MCAM: variants seen among roughly 807,000 people sequenced by gnomAD.
The protein encoded by MCAM is melanoma cell adhesion molecule.
Under a neutral mutation model 79.1 loss-of-function variants are expected in MCAM, and 55 were observed. The ratio of observed to expected loss-of-function variants is 0.70; its 90% CI spans 0.56 to 0.87. The LOEUF is 0.87. Among genes scored for constraint, MCAM ranks in the 40% least tolerant of loss-of-function variants. MCAM has a pLI of 0.00. For synonymous variants in MCAM, 330 were observed against 339.8 expected (o/e 0.97, Z 0.32); for missense variants, 745 against 839.8 (o/e 0.89, Z 1.40).
chr11:119,311,529 C>G lies in MCAM; in HGVS notation c.1407+1G>C, dbSNP rs1565279962. The G allele has an allele frequency of 6.2e-7, 1 of 1,614,138 alleles. No homozygotes were observed. On this transcript the variant is annotated splice_donor_variant, in intron 11 of 15. Coordinates refer to ENST00000264036, the MANE Select transcript of MCAM (RefSeq NM_006500.3). LOFTEE classifies it high-confidence loss of function. This position sits in a 1 kb window ranked among gnomAD's most constrained non-coding sequence, Gnocchi z 4.4. ...GTGTGGCAGATGAGACACCCGCTCACCGTGCCGTTGACGTTCCAGGAGATG... is the reference window on the plus strand; with the variant it reads ...GTGTGGCAGATGAGACACCCGCTCAGCGTGCCGTTGACGTTCCAGGAGATG...
chr11:119,316,691 G>A lies in MCAM; in HGVS notation c.67+344C>T. 3.9e-6 allele frequency: 1 copy of A among 257,144 alleles called. No homozygotes were observed. Among genetic ancestry groups the A allele is most frequent in the Non-Finnish European group, 7.5e-6 (1 of 133,962 alleles). 15.9% of individuals were successfully genotyped at this position (257,144 alleles called of 1,614,324 possible). A position where few individuals can be genotyped will look rare whatever the true frequency, so the allele number is the denominator to read the frequency against. ...CAGGCTTTGAGGATGCGCCCCAGCT[G>A]CGCCTCCTGCCCGGCTTCAATTGCG... On this transcript the variant is annotated intron_variant, in intron 1 of 15. Transcript: ENST00000264036. The surrounding 1 kb of genome is among the most constrained non-coding windows in gnomAD (Gnocchi z 4.8).
chr11:119,313,434 G>A, intron 5 of MCAM: 1 of 858,840 alleles, frequency 1.2e-6, no homozygotes, highest in Admixed American at 3.9e-5. Flanking sequence ...TTTCACTCTT[G>A]TTGCCCAGGC....
In MCAM at chr11:119,316,932, C is replaced by G; in HGVS notation, c.67+103G>C. On this transcript the variant is annotated intron_variant, in intron 1 of 15. Coordinates refer to ENST00000264036, the MANE Select transcript of MCAM (RefSeq NM_006500.3). This position sits in a 1 kb window ranked among gnomAD's most constrained non-coding sequence, Gnocchi z 4.8. ...GGACCCAGGGAGGAGGCTCGTCCTC[C>G]CAGACGCAACGCCCCGACCCCGCCG... The G allele has an allele frequency of 9.8e-7, 1 of 1,022,718 alleles. No homozygotes were observed. The highest frequency in any genetic ancestry group is 1.4e-6 in the Non-Finnish European group (1 of 722,426). 63.4% of individuals were successfully genotyped at this position (1,022,718 alleles called of 1,614,324 possible). A position where few individuals can be genotyped will look rare whatever the true frequency, so the allele number is the denominator to read the frequency against.
At position 119,316,740 on chromosome 11, in the gene MCAM, G is replaced by T; in HGVS notation, c.67+295C>A. 3 of 421,584 alleles carry T rather than the reference G, an allele frequency of 7.1e-6. No homozygotes were observed. Among genetic ancestry groups the T allele is most frequent in the Non-Finnish European group, 8.6e-6 (2 of 233,152 alleles). The allele number at this position is 421,584 out of a possible 1,614,324, so 26.1% of individuals were successfully genotyped here. On this transcript the variant is annotated intron_variant, in intron 1 of 15. Coordinates refer to ENST00000264036, the MANE Select transcript of MCAM (RefSeq NM_006500.3). The surrounding 1 kb of genome is among the most constrained non-coding windows in gnomAD (Gnocchi z 4.8). ...CGGGCCCCCAGAGTGAGCACCTCAG[G>T]GACCACCCACCCCCCAGCACCCCGA...
rs1950289517 is a variant in MCAM at position 119,314,940 on chromosome 11, C to T, written c.293G>A (p.Gly98Glu). Residue 98 changes from glycine to glutamate, a missense_variant, in exon 3 of 16, where the codon GGG becomes GAG. By Grantham distance (98) the Gly-to-Glu change is moderately conservative (BLOSUM62 -2). Transcript: ENST00000264036. ...YEQRLSLQDR[G>E]ATLALTQVTP... ...GACTTGAGTCAGGGCCAGAGTAGCC[C>T]CTCTGTCCTGGAGGCTGAGCCGCTG... is the stretch of plus-strand genomic sequence containing the variant. 1 of 1,612,922 alleles carries T rather than the reference C, an allele frequency of 6.2e-7. No homozygotes were observed. Among genetic ancestry groups the T allele is most frequent in the Non-Finnish European group, 8.5e-7 (1 of 1,179,976 alleles).
chr11:119,313,290 C>T, intron 5 of MCAM: 1 of 1,341,628 alleles, frequency 7.5e-7, no homozygotes, highest in South Asian at 1.2e-5. Flanking sequence ...GCAAAACGAT[C>T]AGTTGATCTA....
rs1013822990 is a variant in MCAM at position 119,313,115 on chromosome 11, T to C, written c.560-166A>G. 2.0e-6 allele frequency: 3 copies of C among 1,535,662 alleles called. No homozygotes were observed. In the African/African-American group the frequency reaches 4.1e-5, roughly 21 times the overall value. Reference sequence around the variant, plus strand: ...AAACCCTTCAACCCAGCACTTTTACTGCTCAGTGTCAACCCTAGAAAAACA... The same window carrying C: ...AAACCCTTCAACCCAGCACTTTTACCGCTCAGTGTCAACCCTAGAAAAACA... On this transcript the variant is annotated intron_variant, in intron 5 of 15. Coordinates refer to ENST00000264036, the MANE Select transcript of MCAM (RefSeq NM_006500.3).
chr11:119,311,250 T>C lies in MCAM; in HGVS notation c.1549+30A>G. ...TACTGCCCGTGCCTGGGCCTGCCCC[T>C]GCCATCCCCTGCAGGGATGCAGCCC... On this transcript the variant is annotated intron_variant, in intron 12 of 15. Coordinates refer to ENST00000264036, the MANE Select transcript of MCAM (RefSeq NM_006500.3). This position sits in a 1 kb window ranked among gnomAD's most constrained non-coding sequence, Gnocchi z 4.4. The C allele has an allele frequency of 6.2e-7, 1 of 1,613,484 alleles. No homozygotes were observed. Among genetic ancestry groups the C allele is most frequent in the Non-Finnish European group, 8.5e-7 (1 of 1,179,434 alleles).
chr11:119,314,016 G>T (rs1950273734), intron 5 of MCAM: 48 of 962,648 alleles, frequency 5.0e-5, no homozygotes, highest in Non-Finnish European at 5.9e-5. Flanking sequence ...ATTTCTGGGA[G>T]GGGGGGTCTC....
At position 119,315,470 on chromosome 11, in the gene MCAM, AAGCAGAGATTG is replaced by A. The variant is rs1435532637; in HGVS notation, c.68-218_68-208del. 1 of 604,638 alleles carries A rather than the reference AAGCAGAGATTG, an allele frequency of 1.7e-6. No individual in the cohort carries two copies. The highest frequency in any genetic ancestry group is 2.9e-6 in the Non-Finnish European group (1 of 346,462). The allele number at this position is 604,638 out of a possible 1,614,324, so 37.5% of individuals were successfully genotyped here. A position where few individuals can be genotyped will look rare whatever the true frequency, so the allele number is the denominator to read the frequency against. On this transcript the variant is annotated intron_variant, in intron 1 of 15. Coordinates refer to ENST00000264036, the MANE Select transcript of MCAM (RefSeq NM_006500.3). This position sits in a 1 kb window ranked among gnomAD's most constrained non-coding sequence, Gnocchi z 4.4. ...CAGGAGATCCCAGGTCCTTGGAGCC[AAGCAGAGATTG>A]AGCAGAGACTGAGCACCGAACAGCT...
In MCAM at chr11:119,311,658, G is replaced by A; in HGVS notation, c.1286-7C>T. Reference sequence around the variant, plus strand: ...AATGCCATCCAAGGGGGGCCTTGGGGAGGTAGGGAGAGGTGAGGTGGCAAG... The same window carrying A: ...AATGCCATCCAAGGGGGGCCTTGGGAAGGTAGGGAGAGGTGAGGTGGCAAG... On this transcript the variant is annotated splice_region_variant and splice_polypyrimidine_tract_variant and intron_variant, in intron 10 of 15. Coordinates refer to ENST00000264036, the MANE Select transcript of MCAM (RefSeq NM_006500.3). The surrounding 1 kb of genome is among the most constrained non-coding windows in gnomAD (Gnocchi z 4.4). 6.2e-7 allele frequency: 1 copy of A among 1,613,920 alleles called. No homozygotes were observed. Among genetic ancestry groups the A allele is most frequent in the Non-Finnish European group, 8.5e-7 (1 of 1,179,914 alleles).
rs1950293734 is a variant in MCAM, at chr11:119,315,151, G to A, written c.180C>T (p.Val60=). The A allele has an allele frequency of 2.5e-6, 4 of 1,613,500 alleles. No individual in the cohort carries two copies. The highest frequency in any genetic ancestry group is 2.7e-5 in the African/African-American group (2 of 75,038). The part of the protein sequence containing the change: ...LSQSQGNLSH[V]DWFSVHKEKR... The stretch of plus-strand genomic sequence containing the variant: ...CCCAAGCACTCACAGAAAACCAGTC[G>A]ACATGGCTGAGGTTGCCTTGGGACT... The change falls in exon 2 of 16, where the codon GTC becomes GTT. Residue 60 remains valine, a synonymous_variant. Coordinates refer to ENST00000264036, the MANE Select transcript of MCAM (RefSeq NM_006500.3). The surrounding 1 kb of genome is among the most constrained non-coding windows in gnomAD (Gnocchi z 4.4).
intron 15 of MCAM, 197 bp downstream of exon 15, chr11:119,310,152 G>A (rs931777505): frequency 9.8e-5 from 61 of 625,512 alleles, no homozygotes; most frequent in Non-Finnish European, 1.4e-4. Flanking sequence ...GATGGGACAG[G>A]GTCTTTCTCA....
chr11:119,316,922 G>C lies in MCAM; in HGVS notation c.67+113C>G. 2 of 875,218 alleles carry C rather than the reference G, an allele frequency of 2.3e-6. No homozygotes were observed. Among genetic ancestry groups the C allele is most frequent in the South Asian group, 1.7e-5 (1 of 58,282 alleles). 54.2% of individuals were successfully genotyped at this position (875,218 alleles called of 1,614,324 possible). Reference sequence around the variant, plus strand: ...CGGGGATCGGGGACCCAGGGAGGAGGCTCGTCCTCCCAGACGCAACGCCCC... The same window carrying C: ...CGGGGATCGGGGACCCAGGGAGGAGCCTCGTCCTCCCAGACGCAACGCCCC... On this transcript the variant is annotated intron_variant, in intron 1 of 15. Transcript: ENST00000264036. The surrounding 1 kb of genome is among the most constrained non-coding windows in gnomAD (Gnocchi z 4.8).
chr11:119,313,652 T>A (rs1565281881), intron 5 of MCAM: 2 of 250,550 alleles, frequency 8.0e-6, no homozygotes, highest in Non-Finnish European at 1.6e-5. Context: ...CCGCCCACCT[T>A]GGCCTCCAAA....
Position 119,314,969 on chromosome 11 carries a change from G to A in MCAM, c.264C>T (p.Tyr88=), listed in dbSNP as rs760812650. 1.9e-6 allele frequency: 3 copies of A among 1,611,678 alleles called. No individual in the cohort carries two copies. The highest frequency in any genetic ancestry group is 1.3e-5 in the African/African-American group (1 of 74,916). Reference sequence around the variant, plus strand: ...TGTCCTGGAGGCTGAGCCGCTGCTCGTACTCCCCAGGTTCGCTCTGGCCCT... The same window carrying A: ...TGTCCTGGAGGCTGAGCCGCTGCTCATACTCCCCAGGTTCGCTCTGGCCCT... ...QGQGQSEPGE[Y]EQRLSLQDRG... The change falls in exon 3 of 16, where the codon TAC becomes TAT. Residue 88 remains tyrosine (Y), a synonymous_variant. Transcript: ENST00000264036.
rs1950200299 is a variant in MCAM, at chr11:119,309,817, G to C, written c.*69C>G. 2.0e-6 allele frequency: 3 copies of C among 1,470,554 alleles called. No homozygotes were observed. Among genetic ancestry groups the C allele is most frequent in the African/African-American group, 1.4e-5 (1 of 72,092 alleles). 91.1% of individuals were successfully genotyped at this position (1,470,554 alleles called of 1,614,324 possible). A position where few individuals can be genotyped will look rare whatever the true frequency, so the allele number is the denominator to read the frequency against. On this transcript the variant is annotated 3_prime_UTR_variant, in exon 16 of 16. Transcript: ENST00000264036. Reference sequence around the variant, plus strand: ...TCTCTCTAGTCCCTTTGGAGGCTTTGGCTGAGAGAAGAGTGAGCAGGGAGC... The same window carrying C: ...TCTCTCTAGTCCCTTTGGAGGCTTTCGCTGAGAGAAGAGTGAGCAGGGAGC...
At chr11:119,310,576 C>T (rs1950217097) in intron 14 of MCAM, 110 bp from the exon 15 acceptor site, 2 of 1,075,354 alleles carry the variant, frequency 1.9e-6, no homozygotes, top group African/African-American at 1.5e-5. Context: ...AGGGCCAGCC[C>T]AGGGCAGGGA....
Position 119,311,236 on chromosome 11 carries a change from C to T in MCAM, c.1549+44G>A, listed in dbSNP as rs1243749770. On this transcript the variant is annotated intron_variant, in intron 12 of 15. Coordinates refer to ENST00000264036, the MANE Select transcript of MCAM (RefSeq NM_006500.3). The surrounding 1 kb of genome is among the most constrained non-coding windows in gnomAD (Gnocchi z 4.4). Reference sequence around the variant, plus strand: ...GGAGAAGCGCAAGTTACTGCCCGTGCCTGGGCCTGCCCCTGCCATCCCCTG... The same window carrying T: ...GGAGAAGCGCAAGTTACTGCCCGTGTCTGGGCCTGCCCCTGCCATCCCCTG... The T allele has an allele frequency of 1.2e-6, 2 of 1,613,000 alleles. No homozygotes were observed. The highest frequency in any genetic ancestry group is 1.1e-5 in the South Asian group (1 of 91,070).
Sources: gnomAD v4.1 joint callset for allele counts on GRCh38, gnomAD v4.1.1 for gene constraint, Gnocchi (gnomAD v3.1) non-coding constraint, MANE v1.5 for transcripts, NCBI Gene and HGNC (gene_info 2026-07-23, HGNC 2026-07-21) for gene names.